Variants in SERINC5 observed in about 807,000 individuals in gnomAD.
SERINC5 encodes chromosome 5 open reading frame 12.
In SERINC5, 41 loss-of-function variants were observed where a neutral mutation model predicts 63.1. The observed-to-expected ratio is 0.65, with a 90% CI of 0.51 to 0.84. The LOEUF is 0.84. Ranked by LOEUF, SERINC5 falls within the 40% of genes least tolerant of loss-of-function variation. The probability of loss-of-function intolerance (pLI) is 0.00; values close to 1 mark genes in which losing one functional copy is unlikely to be tolerated. For missense variants in SERINC5, 523 were observed against 573.0 expected (o/e 0.91, Z 0.89); for synonymous variants, 222 against 215.2 (o/e 1.03, Z -0.28).
chr5:80,253,899 TTC>T (rs1199190252), intron 1 of SERINC5, among the ~76,000 whole-genome samples: 1 of 152,196 alleles, frequency 6.6e-6, no homozygotes, highest in Non-Finnish European at 1.5e-5. Flanking sequence ...AATTGGTAAC[TTC>T]TGACGGTGCT....
intron 1 of SERINC5, among the ~76,000 whole-genome samples, chr5:80,224,107 T>C (rs1190166176): frequency 8.1e-6 from 1 of 123,830 alleles, no homozygotes; most frequent in Non-Finnish European, 1.6e-5. Context: ...CACTCCAGCC[T>C]GGGCGACAAG....
At chr5:80,233,432 A>G (rs1751542878) in intron 1 of SERINC5, among the ~76,000 whole-genome samples, 1 of 152,212 alleles carries the variant, frequency 6.6e-6, no homozygotes, top group Non-Finnish European at 1.5e-5. Context: ...CATCTCAAAA[A>G]AACAATAATA....
chr5:80,193,822 C>G (rs1749341552), intron 2 of SERINC5, among the ~76,000 whole-genome samples: 1 of 152,180 alleles, frequency 6.6e-6, no homozygotes, highest in African/African-American at 2.4e-5. Flanking sequence ...TACAGGGACT[C>G]CTTGCTTTCT....
intron 2 of SERINC5, among the ~76,000 whole-genome samples, chr5:80,193,140 C>T (rs1442366115): frequency 6.6e-6 from 1 of 152,172 alleles, no homozygotes; most frequent in East Asian, 1.9e-4. Context: ...ATTTTTTAAA[C>T]TTTTGAAGAA....
At chr5:80,184,909 C>T (rs1748705471) in intron 2 of SERINC5, among the ~76,000 whole-genome samples, 1 of 152,122 alleles carries the variant, frequency 6.6e-6, no homozygotes, top group Non-Finnish European at 1.5e-5. Flanking sequence ...TGCAGTCTTG[C>T]TCTGTTGCCC....
intron 2 of SERINC5, among the ~76,000 whole-genome samples, chr5:80,181,186 A>G (rs1344967928): frequency 1.3e-5 from 2 of 152,160 alleles, no homozygotes; most frequent in Non-Finnish European, 2.9e-5. Context: ...TTTGGCATAA[A>G]GAGTTTGGGC....
At position 80,207,925 on chromosome 5, in the gene SERINC5, G is replaced by A. The variant is rs888313967; in HGVS notation, c.28-4872C>T. ...TCTCACAGCCCTGCTGACTGAACACGTGTTTCTGGAGGAGCATACCTTTGA... is the reference window on the plus strand; with the variant it reads ...TCTCACAGCCCTGCTGACTGAACACATGTTTCTGGAGGAGCATACCTTTGA... On this transcript the variant is annotated intron_variant, in intron 1 of 11. Coordinates refer to ENST00000507668, the MANE Select transcript of SERINC5 (RefSeq NM_001174072.3). 4.6e-5 allele frequency among the ~76,000 whole-genome samples: 7 copies of A among 152,260 alleles called. No homozygotes were observed. The South Asian group carries it at 8.3e-4, about 18-fold the overall frequency.
intron 1 of SERINC5, among the ~76,000 whole-genome samples, chr5:80,219,359 T>G (rs1366326981): frequency 6.6e-6 from 1 of 152,204 alleles, no homozygotes. Flanking sequence ...CACAGTTAAC[T>G]TTAGCCTTCA....
Position 80,131,021 on chromosome 5 carries a change from T to C in SERINC5, c.1238+15069A>G, listed in dbSNP as rs113669872. Among the ~76,000 whole-genome samples the C allele has an allele frequency of 2.0e-3, 305 of 152,292 alleles. 3 individuals carry two copies. The highest frequency in any genetic ancestry group is 6.0e-3 in the African/African-American group (251 of 41,574). On this transcript the variant is annotated intron_variant, in intron 11 of 12. Coordinates refer to the SERINC5 transcript ENST00000509193. The stretch of plus-strand genomic sequence containing the variant: ...TTCAGGGAGAGAGTGAAATCTTACA[T>C]AGAATAGTCAGGGAGAACTTCACTG...
intron 1 of SERINC5, among the ~76,000 whole-genome samples, chr5:80,222,773 C>T (rs557960939): frequency 6.6e-6 from 1 of 152,130 alleles, no homozygotes; most frequent in Non-Finnish European, 1.5e-5. Context: ...GGGATTTCAC[C>T]ATGCTGTCCA....
At chr5:80,114,535 C>A (rs1023734599) in intron 11 of SERINC5, 8 of 191,376 alleles carry the variant, frequency 4.2e-5, no homozygotes, top group Non-Finnish European at 7.9e-5. Context: ...ATGCCTGTAA[C>A]CCCAGCTACT....
intron 8 of SERINC5, chr5:80,158,536 G>C (rs578262088): frequency 3.6e-6 from 1 of 279,138 alleles, no homozygotes; most frequent in East Asian, 7.4e-5. Context: ...CTTTTAAAGG[G>C]GGTTAGGCAA....
intron 9 of SERINC5, among the ~76,000 whole-genome samples, chr5:80,150,208 G>A (rs1746080967): frequency 6.6e-6 from 1 of 152,136 alleles, no homozygotes; most frequent in African/African-American, 2.4e-5. Context: ...GCACAGACAA[G>A]TATGAAACAG....
At chr5:80,156,321 T>C (rs1485332802) in intron 8 of SERINC5, among the ~76,000 whole-genome samples, 2 of 152,124 alleles carry the variant, frequency 1.3e-5, no homozygotes, top group African/African-American at 4.8e-5. Context: ...GAAGTCCAGA[T>C]CTGAAAAAAC....
At chr5:80,218,376 A>G (rs966709461) in intron 1 of SERINC5, among the ~76,000 whole-genome samples, 39 of 152,312 alleles carry the variant, frequency 2.6e-4, no homozygotes, top group African/African-American at 7.7e-4. Context: ...CCCCATCTCT[A>G]CTAAAAATAC....
rs1248061331 is a variant in SERINC5, at chr5:80,143,125, G to A, written c.*538C>T. ...GCCGTGAAGAGGCAGCACTGAGGGT[G>A]CAGTTGAAAAGCAGGTGCCTCCTCT... On this transcript the variant is annotated 3_prime_UTR_variant, in exon 12 of 12. Transcript: ENST00000507668. 3 of 985,524 alleles carry A rather than the reference G, an allele frequency of 3.0e-6. No individual in the cohort carries two copies. The highest frequency in any genetic ancestry group is 3.5e-5 in the African/African-American group (2 of 57,232). 61.0% of individuals were successfully genotyped at this position (985,524 alleles called of 1,614,324 possible).
At chr5:80,206,294 C>A (rs557081903) in intron 1 of SERINC5, among the ~76,000 whole-genome samples, 1 of 152,296 alleles carries the variant, frequency 6.6e-6, no homozygotes, top group South Asian at 2.1e-4. Flanking sequence ...ACATCACTTA[C>A]AATGAGCTAC....
intron 2 of SERINC5, among the ~76,000 whole-genome samples, chr5:80,189,185 T>C (rs1397819465): frequency 6.6e-6 from 1 of 151,646 alleles, no homozygotes; most frequent in Non-Finnish European, 1.5e-5. Context: ...AAACTCTCCA[T>C]AAGAAGGGTT....
chr5:80,188,411 C>T (rs1237094675), intron 2 of SERINC5, among the ~76,000 whole-genome samples: 3 of 151,940 alleles, frequency 2.0e-5, no homozygotes, highest in South Asian at 2.1e-4. Context: ...TACAAATAAC[C>T]CAGTGTCCTT....
Sources: gnomAD v4.1 joint callset for allele counts (sites outside exome capture counted in the v4.1 genomes callset) on GRCh38, gnomAD v4.1.1 for gene constraint, MANE v1.5 for transcripts, NCBI Gene and HGNC (gene_info 2026-07-23, HGNC 2026-07-21) for gene names.